PLB1: variants seen among roughly 807,000 people sequenced by gnomAD.
The protein encoded by PLB1 is phospholipase B1, membrane-associated.
Under a neutral mutation model 227.4 loss-of-function variants are expected in PLB1, and 242 were observed. That is an observed-to-expected ratio of 1.06 (90% CI 0.96 to 1.18). The LOEUF (loss-of-function observed/expected upper bound fraction) is 1.18. Among genes scored for constraint, PLB1 ranks in the 50% most tolerant of loss-of-function variants. PLB1 has a pLI of 0.00. For missense variants in PLB1, 1,858 were observed against 1,816.3 expected, an observed-to-expected ratio of 1.02 and a Z score of -0.42; for synonymous variants, 757 against 682.2, an observed-to-expected ratio of 1.11 and a Z score of -1.71.
intron 56 of PLB1, among the ~76,000 whole-genome samples, chr2:28,634,128 C>G (rs1003505608): frequency 9.9e-5 from 15 of 152,214 alleles, no homozygotes; most frequent in Non-Finnish European, 1.9e-4. Context: ...TAATGGCAGA[C>G]TCAGCTTATG....
chr2:28,526,825 G>A (rs1179359751), intron 6 of PLB1, among the ~76,000 whole-genome samples: 4 of 152,206 alleles, frequency 2.6e-5, no homozygotes, highest in Admixed American at 2.6e-4. Context: ...GAATTGTTAG[G>A]TTCCCTGGAA....
chr2:28,559,503 T>A (rs1436724904), intron 17 of PLB1, among the ~76,000 whole-genome samples: 1 of 152,126 alleles, frequency 6.6e-6, no homozygotes, highest in African/African-American at 2.4e-5. Flanking sequence ...TCATTGGGAG[T>A]GGCTCTCCCC....
At chr2:28,569,623 G>T (rs1051490557) in intron 20 of PLB1, among the ~76,000 whole-genome samples, 15 of 152,126 alleles carry the variant, frequency 9.9e-5, no homozygotes, top group African/African-American at 3.4e-4. Flanking sequence ...GGATGAAATG[G>T]ACAAATTCCT....
At chr2:28,618,456 C>A (rs1183927729) in intron 46 of PLB1, 57 bp downstream of exon 46, 2 of 1,548,230 alleles carry the variant, frequency 1.3e-6, no homozygotes, top group East Asian at 4.5e-5. Flanking sequence ...AGGCCCTGCG[C>A]AGAATCTGTG....
intron 9 of PLB1, among the ~76,000 whole-genome samples, chr2:28,533,846 T>C (rs1671332766): frequency 6.6e-6 from 1 of 152,266 alleles, no homozygotes; most frequent in South Asian, 2.1e-4. Context: ...CTTGAATACA[T>C]GTTGTATTCT....
At chr2:28,564,424 C>T (rs1381544243) in intron 18 of PLB1, among the ~76,000 whole-genome samples, 1 of 152,190 alleles carries the variant, frequency 6.6e-6, no homozygotes, top group East Asian at 1.9e-4. Flanking sequence ...GACCTGACTG[C>T]TCATAACCTC....
Position 28,643,603 on chromosome 2 carries a change from A to C in PLB1, c.*542A>C, listed in dbSNP as rs2272386. On this transcript the variant is annotated 3_prime_UTR_variant, in exon 58 of 58. Transcript: ENST00000327757. ...TAGGCTGTGCATGTCGCAGCCTGGC[A>C]GAGAGGTCAAACTCCTTCAATAACC... 0.41 allele frequency: 62,955 copies of C among 152,226 alleles called. 13,208 individuals carry two copies. Among genetic ancestry groups the C allele is most frequent in the African/African-American group, 0.49 (20,215 of 41,514 alleles). The allele number at this position is 152,226 out of a possible 1,614,324, so 9.4% of individuals were successfully genotyped here.
At chr2:28,642,088 T>G (rs1485166281) in intron 57 of PLB1, among the ~76,000 whole-genome samples, 1 of 152,202 alleles carries the variant, frequency 6.6e-6, no homozygotes, top group African/African-American at 2.4e-5. Context: ...GTCCAGATGT[T>G]GCCTTTACTA....
intron 56 of PLB1, among the ~76,000 whole-genome samples, chr2:28,636,025 G>GTGTGTA (rs1553467720): frequency 2.4e-5 from 3 of 123,422 alleles, no homozygotes. Context: ...ATGAATGTGT[G>GTGTGTA]TGTATGTGTG....
chr2:28,605,531 G>A (rs551205647), intron 41 of PLB1, among the ~76,000 whole-genome samples: 5 of 152,138 alleles, frequency 3.3e-5, no homozygotes, highest in South Asian at 2.1e-4. Context: ...GACTCTCTGC[G>A]GGACCAGGAT....
intron 20 of PLB1, among the ~76,000 whole-genome samples, chr2:28,570,813 A>C (rs1423278485): frequency 1.3e-5 from 2 of 152,168 alleles, no homozygotes; most frequent in African/African-American, 4.8e-5. Context: ...AATACTGAAC[A>C]AATTAGGGAT....
At chr2:28,521,285 A>G (rs745793473) in intron 4 of PLB1, among the ~76,000 whole-genome samples, 1 of 152,234 alleles carries the variant, frequency 6.6e-6, no homozygotes, top group Non-Finnish European at 1.5e-5. Context: ...TTTTGGATAT[A>G]TACACCCAGA....
chr2:28,606,672 CCTTA>C, intron 43 of PLB1, 105 bp downstream of exon 43: 16 of 1,044,836 alleles, frequency 1.5e-5, no homozygotes, highest in Non-Finnish European at 2.4e-5. Flanking sequence ...CATCTTGCCC[CCTTA>C]CTGAGGCCTG....
intron 20 of PLB1, among the ~76,000 whole-genome samples, chr2:28,568,667 C>T (rs1467275098): frequency 1.3e-5 from 2 of 152,222 alleles, no homozygotes; most frequent in Non-Finnish European, 2.9e-5. Context: ...GTGTCTTTGG[C>T]AGCATGTCTT....
chr2:28,571,107 A>G (rs1677939133), intron 20 of PLB1, among the ~76,000 whole-genome samples: 1 of 152,258 alleles, frequency 6.6e-6, no homozygotes, highest in African/African-American at 2.4e-5. Context: ...ACTAAAAATT[A>G]TTAGAGCTAA....
At chr2:28,555,141 C>CTTTTTT (rs3041204) in intron 17 of PLB1, among the ~76,000 whole-genome samples, 3 of 120,232 alleles carry the variant, frequency 2.5e-5, no homozygotes, top group South Asian at 2.6e-4. Flanking sequence ...TGCCAGTGAT[C>CTTTTTT]TTTTTTTTTT....
intron 56 of PLB1, among the ~76,000 whole-genome samples, chr2:28,636,084 A>T (rs1689328722): frequency 1.3e-5 from 2 of 151,538 alleles, no homozygotes; most frequent in Admixed American, 6.6e-5. Context: ...TGTATGACAG[A>T]GTCTCACTCT....
chr2:28,577,666 C>T (rs1679207724), intron 21 of PLB1, among the ~76,000 whole-genome samples: 2 of 152,176 alleles, frequency 1.3e-5, no homozygotes, highest in Admixed American at 1.3e-4. Flanking sequence ...CATGGTGAAA[C>T]CCCATCTCTA....
At chr2:28,613,989 G>T in intron 43 of PLB1, 42 bp from the exon 44 acceptor site, 1 of 1,530,166 alleles carries the variant, frequency 6.5e-7, no homozygotes. Context: ...GCAAACTTCA[G>T]TGCTGTCAGA....
Sources: gnomAD v4.1 joint callset for allele counts (sites outside exome capture counted in the v4.1 genomes callset) on GRCh38, gnomAD v4.1.1 for gene constraint, MANE v1.5 for transcripts, NCBI Gene and HGNC (gene_info 2026-07-23, HGNC 2026-07-21) for gene names.